MAP3K3: variants seen among roughly 807,000 people sequenced by gnomAD.
MAP3K3 encodes mitogen-activated protein kinase kinase kinase 3.
In MAP3K3, 12 loss-of-function variants were observed where a neutral mutation model predicts 80.9. The ratio of observed to expected loss-of-function variants is 0.15; its 90% CI spans 0.10 to 0.24. The LOEUF is 0.24. MAP3K3 is among the 10% of genes least tolerant of loss of function. MAP3K3 has a pLI of 1.00. For missense variants in MAP3K3, 596 were observed against 834.7 expected (o/e 0.71, Z 3.52); for synonymous variants, 272 against 307.1 (o/e 0.89, Z 1.19).
At chr17:63,674,243 A>G (rs1011446775) in intron 6 of MAP3K3, among the ~76,000 whole-genome samples, 12 of 152,106 alleles carry the variant, frequency 7.9e-5, no homozygotes, top group Non-Finnish European at 1.5e-4. Flanking sequence ...GAGTGGAGGC[A>G]ATCAGGTTTT....
intron 3 of MAP3K3, among the ~76,000 whole-genome samples, chr17:63,647,443 G>C (rs542418281): frequency 2.0e-5 from 3 of 150,966 alleles, no homozygotes; most frequent in African/African-American, 7.2e-5. Context: ...CAATTACGCA[G>C]TTAGGCTCTC....
intron 6 of MAP3K3, among the ~76,000 whole-genome samples, chr17:63,676,368 G>A (rs1459662782): frequency 6.6e-6 from 1 of 152,174 alleles, no homozygotes; most frequent in African/African-American, 2.4e-5. Flanking sequence ...GTGTCAGGGG[G>A]ACCATGGATA....
intron 3 of MAP3K3, among the ~76,000 whole-genome samples, chr17:63,649,141 A>G (rs1244817753): frequency 6.6e-6 from 1 of 152,072 alleles, no homozygotes; most frequent in Admixed American, 6.6e-5. Context: ...TTTTCTTTTA[A>G]GACAGGGTCT....
At chr17:63,653,030 G>T (rs1002572730) in intron 4 of MAP3K3, among the ~76,000 whole-genome samples, 1 of 152,138 alleles carries the variant, frequency 6.6e-6, no homozygotes, top group African/African-American at 2.4e-5. Context: ...GGCTAGGGAG[G>T]TGTGAAAAAC....
At chr17:63,675,008 C>T (rs914298507) in intron 6 of MAP3K3, among the ~76,000 whole-genome samples, 3 of 152,208 alleles carry the variant, frequency 2.0e-5, no homozygotes, top group South Asian at 2.1e-4. Context: ...AGTGACCATA[C>T]ACTTGGAAAC....
At position 63,692,177 on chromosome 17, in the gene MAP3K3, G is replaced by A; in HGVS notation, c.1475-65G>A. 6.3e-7 allele frequency: 1 copy of A among 1,581,398 alleles called. No individual in the cohort carries two copies. Among genetic ancestry groups the A allele is most frequent in the Non-Finnish European group, 8.7e-7 (1 of 1,155,358 alleles). On this transcript the variant is annotated intron_variant, in intron 14 of 15. Transcript: ENST00000361733. The surrounding 1 kb of genome is among the most constrained non-coding windows in gnomAD (Gnocchi z 4.5). ...TCCAGCAGCTCTCAGTGACCCGGGG[G>A]TGGGGAGGATGGGAGAAAATGCAAG...
intron 1 of MAP3K3, among the ~76,000 whole-genome samples, chr17:63,631,157 T>A (rs1224641950): frequency 4.6e-5 from 7 of 152,090 alleles, no homozygotes; most frequent in Non-Finnish European, 1.0e-4. Context: ...CATGGTGGTG[T>A]GCACCTGTAG....
intron 5 of MAP3K3, among the ~76,000 whole-genome samples, chr17:63,662,214 T>C (rs570352128): frequency 7.0e-6 from 1 of 142,860 alleles, no homozygotes; most frequent in East Asian, 2.0e-4. Flanking sequence ...GAGACCAGCC[T>C]GAGCAACATG....
chr17:63,681,563 T>C (rs139966324), intron 6 of MAP3K3, among the ~76,000 whole-genome samples: 63 of 152,332 alleles, frequency 4.1e-4, no homozygotes, highest in African/African-American at 1.5e-3. Context: ...TATGCCGTAG[T>C]GCCTGCTCCA....
At chr17:63,641,728 A>G (rs1185878787) in intron 2 of MAP3K3, among the ~76,000 whole-genome samples, 1 of 152,208 alleles carries the variant, frequency 6.6e-6, no homozygotes, top group Non-Finnish European at 1.5e-5. Flanking sequence ...GATTGGGGCT[A>G]CATATAGAGA....
chr17:63,663,987 A>G (rs1568139326), intron 5 of MAP3K3, among the ~76,000 whole-genome samples: 1 of 152,180 alleles, frequency 6.6e-6, no homozygotes, highest in Non-Finnish European at 1.5e-5. Flanking sequence ...TCACGCCTGT[A>G]ATCCCAGCAC....
At chr17:63,631,596 A>T (rs942537876) in intron 1 of MAP3K3, among the ~76,000 whole-genome samples, 4 of 152,178 alleles carry the variant, frequency 2.6e-5, no homozygotes, top group African/African-American at 9.7e-5. Context: ...ATGGGCAAAG[A>T]TCTCTTAAAG....
intron 5 of MAP3K3, among the ~76,000 whole-genome samples, chr17:63,665,781 A>G (rs935855725): frequency 6.6e-6 from 1 of 152,178 alleles, no homozygotes. Context: ...AGAGCAAGAC[A>G]GTTTTTCAAG....
chr17:63,685,383 C>A, intron 7 of MAP3K3, 134 bp from the exon 8 acceptor site: 1 of 728,208 alleles, frequency 1.4e-6, no homozygotes, highest in South Asian at 1.5e-5. Flanking sequence ...CTATTCTTCC[C>A]ATTGCATGGG....
chr17:63,623,535 G>A lies in MAP3K3; in HGVS notation c.4+772G>A, dbSNP rs563895281. On this transcript the variant is annotated intron_variant, in intron 1 of 15. Coordinates refer to ENST00000361733, the MANE Select transcript of MAP3K3 (RefSeq NM_002401.5). Reference sequence around the variant, plus strand: ...ATTTGCTACACAAAAGAATTTCTCTGAAATCACTTCCTTTTTGTCAGTATT... The same window carrying A: ...ATTTGCTACACAAAAGAATTTCTCTAAAATCACTTCCTTTTTGTCAGTATT... Among the ~76,000 whole-genome samples the A allele has an allele frequency of 3.7e-3, 568 of 152,300 alleles. 2 individuals carry two copies. Among genetic ancestry groups the A allele is most frequent in the Non-Finnish European group, 5.3e-3 (358 of 68,012 alleles).
intron 6 of MAP3K3, among the ~76,000 whole-genome samples, chr17:63,671,391 G>A (rs1175213246): frequency 6.6e-6 from 1 of 151,900 alleles, no homozygotes; most frequent in East Asian, 1.9e-4. Context: ...AAGTAGCTGG[G>A]ACTACAGGCA....
chr17:63,655,936 T>G (rs2034757417), intron 4 of MAP3K3, among the ~76,000 whole-genome samples: 1 of 152,296 alleles, frequency 6.6e-6, no homozygotes, highest in East Asian at 1.9e-4. Flanking sequence ...ATTTTAAATA[T>G]GTACTGTTTT....
chr17:63,625,623 G>C (rs1167699075), intron 1 of MAP3K3, among the ~76,000 whole-genome samples: 1 of 152,124 alleles, frequency 6.6e-6, no homozygotes, highest in Non-Finnish European at 1.5e-5. Flanking sequence ...TGTTAGAATA[G>C]TCTCAATTCA....
intron 1 of MAP3K3, among the ~76,000 whole-genome samples, 183 bp from the exon 2 acceptor site, chr17:63,632,498 A>G (rs1431138150): frequency 1.3e-5 from 2 of 152,194 alleles, no homozygotes; most frequent in Admixed American, 6.5e-5. Context: ...TCTCGAAGAA[A>G]AAAAAGAATC....
Sources: gnomAD v4.1 joint callset for allele counts (sites outside exome capture counted in the v4.1 genomes callset) on GRCh38, gnomAD v4.1.1 for gene constraint, Gnocchi (gnomAD v3.1) non-coding constraint, MANE v1.5 for transcripts, NCBI Gene and HGNC (gene_info 2026-07-23, HGNC 2026-07-21) for gene names.